Variants in CDC5L observed in about 807,000 individuals in gnomAD.
The protein encoded by CDC5L is cell division cycle 5-like protein.
A neutral mutation model predicts 104.1 loss-of-function variants in CDC5L; 18 were observed. The observed-to-expected ratio is 0.17, with a 90% CI of 0.12 to 0.26. CDC5L has a LOEUF of 0.26. Among genes scored for constraint, CDC5L ranks in the 10% least tolerant of loss-of-function variants. The probability of loss-of-function intolerance (pLI) is 1.00; values close to 1 mark genes in which losing one functional copy is unlikely to be tolerated. For synonymous variants in CDC5L, 331 were observed against 322.7 expected (o/e 1.03, Z -0.28); for missense variants, 673 against 956.9 (o/e 0.70, Z 3.91).
At position 44,420,850 on chromosome 6, in the gene CDC5L, G is replaced by A. The variant is rs142259541; in HGVS notation, c.1241+1253G>A. Among the ~76,000 whole-genome samples the A allele has an allele frequency of 4.5e-3, 690 of 152,088 alleles. 4 individuals carry two copies. Among genetic ancestry groups the A allele is most frequent in the African/African-American group, 0.015 (642 of 41,470 alleles). On this transcript the variant is annotated intron_variant, in intron 9 of 15. Transcript: ENST00000371477. ...GATAAGGGATACTCTTATCTATACCGGCAATGAAAACAAATGCCACCTCCT... is the reference window on the plus strand; with the variant it reads ...GATAAGGGATACTCTTATCTATACCAGCAATGAAAACAAATGCCACCTCCT...
At chr6:44,417,331 T>C (rs1046749365) in intron 8 of CDC5L, among the ~76,000 whole-genome samples, 3 of 152,128 alleles carry the variant, frequency 2.0e-5, no homozygotes, top group Non-Finnish European at 4.4e-5. Flanking sequence ...AGTGTAGTGG[T>C]CTCAGAACAG....
intron 13 of CDC5L, among the ~76,000 whole-genome samples, chr6:44,428,876 C>T (rs1792544306): frequency 6.6e-6 from 1 of 152,152 alleles, no homozygotes; most frequent in Non-Finnish European, 1.5e-5. Flanking sequence ...TTTACCATCA[C>T]GTGAGGTCCT....
At chr6:44,426,344 C>A (rs1792421713) in intron 12 of CDC5L, 138 bp from the exon 13 acceptor site, 3 of 763,596 alleles carry the variant, frequency 3.9e-6, no homozygotes, top group Non-Finnish European at 6.3e-6. Flanking sequence ...TCAGTAGTAC[C>A]AGAAAGAATT....
chr6:44,427,887 CATT>C (rs1792498798), intron 13 of CDC5L, among the ~76,000 whole-genome samples: 1 of 152,184 alleles, frequency 6.6e-6, no homozygotes, highest in Admixed American at 6.5e-5. Flanking sequence ...ACAAGGATCA[CATT>C]GTTGCTTTTG....
At chr6:44,427,632 T>C (rs1481268745) in intron 13 of CDC5L, among the ~76,000 whole-genome samples, 2 of 152,232 alleles carry the variant, frequency 1.3e-5, no homozygotes, top group Non-Finnish European at 2.9e-5. Context: ...GGTTTCGATT[T>C]ATATTTCAAT....
chr6:44,413,504 A>G (rs1791754048), intron 8 of CDC5L, among the ~76,000 whole-genome samples: 1 of 152,132 alleles, frequency 6.6e-6, no homozygotes, highest in African/African-American at 2.4e-5. Context: ...GATACCTAGG[A>G]ATGGAATTAC....
In CDC5L at chr6:44,403,806, C is replaced by T. The variant is rs1175864932; in HGVS notation, c.540-3C>T. 7 of 1,597,134 alleles carry T rather than the reference C, an allele frequency of 4.4e-6. No homozygotes were observed. The highest frequency in any genetic ancestry group is 6.0e-6 in the Non-Finnish European group (7 of 1,173,806). On this transcript the variant is annotated splice_region_variant and splice_polypyrimidine_tract_variant and intron_variant, in intron 5 of 15. Transcript: ENST00000371477. ...TTTCAAAGTGATTTTGCATTCTTTT[C>T]AGACGTCTTGCTGCCCTCCAAAAAA...
intron 9 of CDC5L, among the ~76,000 whole-genome samples, chr6:44,421,728 A>G (rs1293317635): frequency 6.6e-6 from 1 of 152,262 alleles, no homozygotes; most frequent in Admixed American, 6.5e-5. Context: ...ACATTGTATT[A>G]GGTATTATAA....
intron 8 of CDC5L, among the ~76,000 whole-genome samples, chr6:44,413,390 T>C (rs995377948): frequency 6.6e-6 from 1 of 152,234 alleles, no homozygotes; most frequent in African/African-American, 2.4e-5. Context: ...TATCCACTTA[T>C]CAGCTGATAG....
Position 44,429,699 on chromosome 6 carries a change from A to G in CDC5L, c.1894-14A>G, listed in dbSNP as rs532819765. 2.5e-6 allele frequency: 4 copies of G among 1,610,086 alleles called. No homozygotes were observed. Among genetic ancestry groups the G allele is most frequent in the Admixed American group, 3.3e-5 (2 of 59,846 alleles). Reference sequence around the variant, plus strand: ...TGTAGTACTTAAACTTATTGAAATTATTATTGTAAACAGGCCCAGGATGTT... The same window carrying G: ...TGTAGTACTTAAACTTATTGAAATTGTTATTGTAAACAGGCCCAGGATGTT... On this transcript the variant is annotated splice_polypyrimidine_tract_variant and intron_variant, in intron 13 of 15. Coordinates refer to ENST00000371477, the MANE Select transcript of CDC5L (RefSeq NM_001253.4).
Position 44,426,567 on chromosome 6 carries a change from T to G in CDC5L, c.1736T>G (p.Met579Arg), listed in dbSNP as rs867829053. 1 of 1,612,708 alleles carries G rather than the reference T, an allele frequency of 6.2e-7. No individual in the cohort carries two copies. Among genetic ancestry groups the G allele is most frequent in the Non-Finnish European group, 8.5e-7 (1 of 1,179,026 alleles). The change falls in exon 13 of 16, where the codon ATG becomes AGG. Residue 579 changes from methionine (M) to arginine (R), a missense_variant. Transcript: ENST00000371477. ...AGTGAAGAACTAATCAAAAAAGAAA[T>G]GATCACAATGCTTCATTATGACCTT... ...QKSEELIKKE[M>R]ITMLHYDLLH...
At position 44,390,249 on chromosome 6, in the gene CDC5L, CTT is replaced by C. The variant is rs746784975; in HGVS notation, c.46-17_46-16del. On this transcript the variant is annotated splice_polypyrimidine_tract_variant and intron_variant, in intron 1 of 15. Coordinates refer to ENST00000371477, the MANE Select transcript of CDC5L (RefSeq NM_001253.4). ...TTGGAGTTTTGTGACTGAATGTACT[CTT>C]TGGCAATTTTTTTTAGGATGAAATT... The C allele has an allele frequency of 7.0e-6, 11 of 1,567,444 alleles. No individual in the cohort carries two copies. The highest frequency in any genetic ancestry group is 4.1e-5 in the African/African-American group (3 of 73,848).
intron 2 of CDC5L, 63 bp from the exon 3 acceptor site, chr6:44,392,604 T>A: frequency 1.4e-6 from 2 of 1,430,262 alleles, no homozygotes; most frequent in Non-Finnish European, 1.9e-6. Context: ...GTGTATCCAT[T>A]GTGCAAATTG....
chr6:44,412,976 G>T (rs1273146494), intron 8 of CDC5L, among the ~76,000 whole-genome samples: 1 of 151,092 alleles, frequency 6.6e-6, no homozygotes, highest in Non-Finnish European at 1.5e-5. Flanking sequence ...TAGAGACGGG[G>T]TTTCACCGTT....
At chr6:44,430,104 G>T (rs988878124) in intron 14 of CDC5L, among the ~76,000 whole-genome samples, 194 bp downstream of exon 14, 1 of 145,156 alleles carries the variant, frequency 6.9e-6, no homozygotes, top group Non-Finnish European at 1.5e-5. Flanking sequence ...TTTTGTTTTT[G>T]TTTTTTTTTT....
intron 5 of CDC5L, among the ~76,000 whole-genome samples, chr6:44,402,858 T>G (rs1791193187): frequency 6.6e-6 from 1 of 152,202 alleles, no homozygotes; most frequent in Non-Finnish European, 1.5e-5. Context: ...TTTAAAAGTT[T>G]ATGTAAATGT....
intron 14 of CDC5L, among the ~76,000 whole-genome samples, chr6:44,434,902 G>GA (rs1329444746): frequency 2.6e-5 from 4 of 151,950 alleles, no homozygotes; most frequent in Non-Finnish European, 5.9e-5. Context: ...TTGGTCTCTG[G>GA]CCAGTCTTTT....
chr6:44,411,635 A>AGTGTGT (rs372072520), intron 8 of CDC5L, among the ~76,000 whole-genome samples: 6 of 121,472 alleles, frequency 4.9e-5, no homozygotes, highest in South Asian at 7.2e-4. Flanking sequence ...AGAGAGAGAG[A>AGTGTGT]GAGTGTGTGT....
intron 9 of CDC5L, 136 bp from the exon 10 acceptor site, chr6:44,422,511 C>T: frequency 1.6e-6 from 1 of 624,724 alleles, no homozygotes; most frequent in Non-Finnish European, 2.7e-6. Context: ...CTAACAAAAC[C>T]AGCTGGACAG....
Sources: allele counts gnomAD v4.1 joint callset (sites outside exome capture counted in the v4.1 genomes callset), GRCh38; gene constraint gnomAD v4.1.1; transcripts MANE v1.5; gene names NCBI Gene and HGNC (gene_info 2026-07-23, HGNC 2026-07-21).